The following VPS26A variants were observed in gnomAD, a reference collection of about 807,000 sequenced individuals.
VPS26A encodes vacuolar protein sorting-associated protein 26A.
Under a neutral mutation model 42.4 loss-of-function variants are expected in VPS26A, and 22 were observed. That is an observed-to-expected ratio of 0.52 (90% CI 0.37 to 0.74). The LOEUF is 0.74. Among genes scored for constraint, VPS26A ranks in the 30% least tolerant of loss-of-function variants. The pLI is 0.00. For missense variants in VPS26A, 276 were observed against 379.2 expected, an observed-to-expected ratio of 0.73 and a Z score of 2.26; for synonymous variants, 110 against 123.5, an observed-to-expected ratio of 0.89 and a Z score of 0.73.
intron 8 of VPS26A, among the ~76,000 whole-genome samples, chr10:69,169,733 C>T (rs199881074): frequency 6.6e-5 from 10 of 152,054 alleles, no homozygotes; most frequent in African/African-American, 1.9e-4. Flanking sequence ...CTCAGCCTCC[C>T]GAGTAGCTGG....
rs1180983199 is a variant in VPS26A at position 69,124,414 on chromosome 10, G to C, written c.3+134G>C. The C allele has an allele frequency of 1.6e-5, 16 of 1,014,496 alleles. No individual in the cohort carries two copies. In the East Asian group the frequency reaches 5.1e-4, roughly 32 times the overall value. 62.8% of individuals were successfully genotyped at this position (1,014,496 alleles called of 1,614,324 possible). A position where few individuals can be genotyped will look rare whatever the true frequency, so the allele number is the denominator to read the frequency against. On this transcript the variant is annotated intron_variant, in intron 1 of 8. Transcript: ENST00000263559. The stretch of plus-strand genomic sequence containing the variant: ...GGCGGGGAGCGGGGTTAGGCCTGTC[G>C]GGCCACCCCTGGGTCTGGGAAAAGC...
At chr10:69,125,661 T>A (rs1056661290) in intron 1 of VPS26A, among the ~76,000 whole-genome samples, 1 of 152,244 alleles carries the variant, frequency 6.6e-6, no homozygotes, top group African/African-American at 2.4e-5. Flanking sequence ...TATTTTCAAG[T>A]TACCCAAACA....
At chr10:69,124,733 A>C (rs2132175368) in intron 1 of VPS26A, among the ~76,000 whole-genome samples, 1 of 152,288 alleles carries the variant, frequency 6.6e-6, no homozygotes, top group African/African-American at 2.4e-5. Flanking sequence ...GAACTTGATA[A>C]ACTCTGATAT....
At chr10:69,171,101 A>T (rs993314969) in intron 8 of VPS26A, 55 bp from the exon 9 acceptor site, 10 of 1,360,720 alleles carry the variant, frequency 7.3e-6, no homozygotes, top group Non-Finnish European at 8.2e-6. Flanking sequence ...CAATCAATAG[A>T]GATAAGGCAT....
intron 2 of VPS26A, among the ~76,000 whole-genome samples, chr10:69,148,045 A>G (rs906634588): frequency 1.3e-5 from 2 of 152,118 alleles, no homozygotes; most frequent in African/African-American, 4.8e-5. Flanking sequence ...AACTTTGTCA[A>G]ACTCTTTAGG....
Position 69,157,173 on chromosome 10 carries a change from T to G in VPS26A, c.386+10T>G. The G allele has an allele frequency of 6.2e-7, 1 of 1,607,788 alleles. No individual in the cohort carries two copies. The highest frequency in any genetic ancestry group is 8.5e-7 in the Non-Finnish European group (1 of 1,177,222). On this transcript the variant is annotated intron_variant, in intron 4 of 8. Transcript: ENST00000263559. ...CCAATGTCCGCTTGAGGTATGAATG[T>G]GTATTATAAACTGTAAACAGAATCA...
intron 2 of VPS26A, among the ~76,000 whole-genome samples, chr10:69,151,470 A>G (rs1415277015): frequency 6.6e-6 from 1 of 151,702 alleles, no homozygotes; most frequent in East Asian, 1.9e-4. Flanking sequence ...AAAAAAAAAA[A>G]AAAATTCTTG....
rs1841849146 is a variant in VPS26A at position 69,172,973 on chromosome 10, A to G, written c.*1704A>G. Reference sequence around the variant, plus strand: ...AATAGTTTAGGAAGCTGTAACTGTGATAATGAATTTTTATAAATATTACTG... The same window carrying G: ...AATAGTTTAGGAAGCTGTAACTGTGGTAATGAATTTTTATAAATATTACTG... On this transcript the variant is annotated 3_prime_UTR_variant, in exon 9 of 9. Coordinates refer to ENST00000263559, the MANE Select transcript of VPS26A (RefSeq NM_004896.5). 6.6e-6 allele frequency: 1 copy of G among 152,222 alleles called. No homozygotes were observed. Among genetic ancestry groups the G allele is most frequent in the Non-Finnish European group, 1.5e-5 (1 of 68,038 alleles). 9.4% of individuals were successfully genotyped at this position (152,222 alleles called of 1,614,324 possible). A position where few individuals can be genotyped will look rare whatever the true frequency, so the allele number is the denominator to read the frequency against.
chr10:69,127,146 A>G (rs1392141183), intron 1 of VPS26A, among the ~76,000 whole-genome samples: 1 of 126,384 alleles, frequency 7.9e-6, no homozygotes, highest in Non-Finnish European at 1.6e-5. Context: ...GGGTTTCGCC[A>G]TGTTGGCCAG....
At chr10:69,166,015 T>G (rs1215717269) in intron 6 of VPS26A, 27 bp from the exon 7 acceptor site, 1 of 1,581,336 alleles carries the variant, frequency 6.3e-7, no homozygotes, top group Non-Finnish European at 8.7e-7. Flanking sequence ...AATATTTAAA[T>G]TAATGTTATT....
At chr10:69,165,632 C>A (rs1017037049) in intron 6 of VPS26A, among the ~76,000 whole-genome samples, 1 of 151,768 alleles carries the variant, frequency 6.6e-6, no homozygotes, top group Non-Finnish European at 1.5e-5. Flanking sequence ...CATGGTGAAA[C>A]CCCATCTCTA....
intron 6 of VPS26A, 74 bp from the exon 7 acceptor site, chr10:69,165,968 A>T: frequency 7.0e-7 from 1 of 1,424,188 alleles, no homozygotes; most frequent in East Asian, 2.4e-5. Context: ...ATGTAGTGGA[A>T]AAATAAGAAG....
chr10:69,167,698 G>A (rs7894672), intron 7 of VPS26A, among the ~76,000 whole-genome samples: 5,953 of 133,744 alleles, frequency 0.045, 438 homozygotes, highest in African/African-American at 0.16. Context: ...ACCCGAGATC[G>A]CACCATTGCA....
At chr10:69,166,590 C>T (rs907765052) in intron 7 of VPS26A, among the ~76,000 whole-genome samples, 9 of 152,134 alleles carry the variant, frequency 5.9e-5, no homozygotes, top group Non-Finnish European at 2.9e-5. Flanking sequence ...GTTTTCTTCA[C>T]TATTTGTGCT....
chr10:69,173,892 G>A lies in VPS26A; in HGVS notation c.*2623G>A, dbSNP rs1226657748. ...CATGCCTGTAATCCCAGCTACTAGG[G>A]AGGCTGAGGCAGAATTGCTTGAACC... On this transcript the variant is annotated 3_prime_UTR_variant, in exon 9 of 9. Coordinates refer to ENST00000263559, the MANE Select transcript of VPS26A (RefSeq NM_004896.5). Among the ~76,000 whole-genome samples the A allele has an allele frequency of 1.4e-5, 2 of 143,232 alleles. No individual in the cohort carries two copies. The highest frequency in any genetic ancestry group is 5.2e-5 in the African/African-American group (2 of 38,334). 94.0% of individuals were successfully genotyped at this position (143,232 alleles called of 152,430 possible). A position where few individuals can be genotyped will look rare whatever the true frequency, so the allele number is the denominator to read the frequency against.
chr10:69,131,979 A>G (rs1429036990), intron 1 of VPS26A, among the ~76,000 whole-genome samples: 1 of 152,222 alleles, frequency 6.6e-6, no homozygotes, highest in Non-Finnish European at 1.5e-5. Context: ...TTCAGGATTT[A>G]TAGAACAAGG....
chr10:69,164,947 G>C (rs10823307), intron 6 of VPS26A, among the ~76,000 whole-genome samples: 69,520 of 145,400 alleles, frequency 0.48, 18,698 homozygotes, highest in Middle Eastern at 0.72. Context: ...TTTTTTTTTG[G>C]AGACGGCGTC....
intron 2 of VPS26A, among the ~76,000 whole-genome samples, chr10:69,144,994 C>T (rs894343791): frequency 4.0e-5 from 6 of 151,658 alleles, no homozygotes; most frequent in African/African-American, 1.5e-4. Flanking sequence ...AAGATATTCT[C>T]CTGTTTTTTT....
At chr10:69,165,208 G>A (rs7916503) in intron 6 of VPS26A, among the ~76,000 whole-genome samples, 6,352 of 152,186 alleles carry the variant, frequency 0.042, 463 homozygotes, top group African/African-American at 0.14. Context: ...GATTACAGGC[G>A]TGAGCCACTG....
Sources: gnomAD v4.1 joint callset for allele counts (sites outside exome capture counted in the v4.1 genomes callset) on GRCh38, gnomAD v4.1.1 for gene constraint, MANE v1.5 for transcripts, NCBI Gene and HGNC (gene_info 2026-07-23, HGNC 2026-07-21) for gene names.